MTCL2: variants seen among roughly 807,000 people sequenced by gnomAD.
MTCL2 encodes microtubule cross-linking factor 2.
the MTCL2 span, among the ~76,000 whole-genome samples, chr20:36,797,319 G>GT: frequency 8.1e-4 from 121 of 149,786 alleles, no homozygotes; most frequent in African/African-American, 1.5e-3. Flanking sequence ...GGGTGGTTGG[G>GT]TTTTTTTTTT....
chr20:36,861,317 G>A, the MTCL2 span, among the ~76,000 whole-genome samples: 16 of 152,214 alleles, frequency 1.1e-4, no homozygotes, highest in African/African-American at 3.1e-4. Context: ...CACCGAACCC[G>A]GCCCTTGGGA....
chr20:36,790,424 G>T, the MTCL2 span, among the ~76,000 whole-genome samples: 1 of 142,622 alleles, frequency 7.0e-6, no homozygotes, highest in Non-Finnish European at 1.5e-5. Flanking sequence ...CACCACGCCT[G>T]GCCCTTTTTT....
chr20:36,835,852 CCCG>C, the MTCL2 span, among the ~76,000 whole-genome samples: 5 of 152,212 alleles, frequency 3.3e-5, no homozygotes, highest in East Asian at 1.9e-4. Flanking sequence ...CACCCGCCTC[CCCG>C]CCGCCGCCGC....
the MTCL2 span, among the ~76,000 whole-genome samples, chr20:36,820,851 A>G: frequency 3.8e-4 from 58 of 152,172 alleles, no homozygotes; most frequent in African/African-American, 1.3e-3. Context: ...CAAAAAAAAA[A>G]AAGAGTTTAA....
At chr20:36,801,708 G>A in the MTCL2 span, among the ~76,000 whole-genome samples, 4 of 152,194 alleles carry the variant, frequency 2.6e-5, no homozygotes, top group African/African-American at 7.2e-5. Context: ...GTTCATGCCT[G>A]TAATCCCAGC....
chr20:36,806,413 G>C, the MTCL2 span, among the ~76,000 whole-genome samples: 2 of 152,210 alleles, frequency 1.3e-5, no homozygotes, highest in African/African-American at 4.8e-5. Context: ...TGGGATTACA[G>C]GCGCGAGCCA....
the MTCL2 span, among the ~76,000 whole-genome samples, chr20:36,789,270 T>C: frequency 6.6e-6 from 1 of 152,200 alleles, no homozygotes; most frequent in Non-Finnish European, 1.5e-5. Flanking sequence ...AAGTGATGGT[T>C]AATTTTATAT....
chr20:36,837,794 C>A, the MTCL2 span, among the ~76,000 whole-genome samples: 1 of 151,852 alleles, frequency 6.6e-6, no homozygotes, highest in East Asian at 1.9e-4. Flanking sequence ...CCAGGCTGGT[C>A]TCGAACTCCT....
the MTCL2 span, among the ~76,000 whole-genome samples, chr20:36,841,155 CAAAAA>C: frequency 6.9e-4 from 28 of 40,346 alleles, no homozygotes; most frequent in African/African-American, 1.1e-3. Context: ...ACTAAAAATA[CAAAAA>C]AAAAAAAAAA....
chr20:36,827,483 C>G, the MTCL2 span, among the ~76,000 whole-genome samples: 2 of 151,104 alleles, frequency 1.3e-5, no homozygotes, highest in Non-Finnish European at 2.9e-5. Context: ...AGGCAGGCAC[C>G]ACCACACCTG....
At chr20:36,815,327 C>T in the MTCL2 span, 6 of 1,613,838 alleles carry the variant, frequency 3.7e-6, no homozygotes, top group South Asian at 6.6e-5. The surrounding 1 kb of genome is among the most constrained non-coding windows in gnomAD (Gnocchi z 5.3). Context: ...GCTTGGTGTC[C>T]CTGGGGCCCT....
the MTCL2 span, chr20:36,796,945 C>T: frequency 6.2e-7 from 1 of 1,613,872 alleles, no homozygotes; most frequent in African/African-American, 1.3e-5. Context: ...GATCTTCTCA[C>T]TGCGTGTCTG....
At chr20:36,799,319 T>A in the MTCL2 span, among the ~76,000 whole-genome samples, 1 of 151,972 alleles carries the variant, frequency 6.6e-6, no homozygotes, top group Admixed American at 6.6e-5. Context: ...GGAGAAACCC[T>A]GTCTCTACTA....
At chr20:36,859,738 GC>G in the MTCL2 span, 2 of 1,231,724 alleles carry the variant, frequency 1.6e-6, no homozygotes, top group Non-Finnish European at 2.0e-6. Flanking sequence ...CCTGAGCAGG[GC>G]CACCCACCAG....
the MTCL2 span, among the ~76,000 whole-genome samples, chr20:36,825,907 T>C: frequency 6.6e-6 from 1 of 152,198 alleles, no homozygotes; most frequent in East Asian, 1.9e-4. Context: ...TGTGAACCAG[T>C]GTTTCTTGAG....
chr20:36,825,895 G>A, the MTCL2 span, among the ~76,000 whole-genome samples: 4 of 152,204 alleles, frequency 2.6e-5, no homozygotes, highest in African/African-American at 4.8e-5. Flanking sequence ...GCTGCAAAAG[G>A]ATGTGAACCA....
the MTCL2 span, among the ~76,000 whole-genome samples, chr20:36,807,144 G>A: frequency 6.6e-6 from 1 of 152,320 alleles, no homozygotes; most frequent in Admixed American, 6.5e-5. Flanking sequence ...GCAGCAGGGT[G>A]TGGGCCTATG....
the MTCL2 span, among the ~76,000 whole-genome samples, chr20:36,834,885 C>G: frequency 1.2e-4 from 18 of 151,946 alleles, 1 homozygote; most frequent in African/African-American, 4.3e-4. Context: ...GCCTGTAATC[C>G]CAGCTACTTG....
the MTCL2 span, among the ~76,000 whole-genome samples, chr20:36,800,630 A>G: frequency 6.6e-6 from 1 of 152,224 alleles, no homozygotes; most frequent in Non-Finnish European, 1.5e-5. Flanking sequence ...GGTTTCATGA[A>G]CGTGACCTTG....
Sources: gnomAD v4.1 joint callset for allele counts (sites outside exome capture counted in the v4.1 genomes callset) on GRCh38, gnomAD v4.1.1 for gene constraint, Gnocchi (gnomAD v3.1) non-coding constraint, MANE v1.5 for transcripts, NCBI Gene and HGNC (gene_info 2026-07-23, HGNC 2026-07-21) for gene names.